The following KAZN variants were observed in gnomAD, a reference collection of about 807,000 sequenced individuals.
KAZN encodes kazrin, periplakin interacting protein.
KAZN carries 40 observed loss-of-function variants against 87.4 expected under a neutral mutation model. The ratio of observed to expected loss-of-function variants is 0.46; its 90% CI spans 0.36 to 0.60. The LOEUF is 0.60. Ranked by LOEUF, KAZN falls within the 20% of genes least tolerant of loss-of-function variation. KAZN has a pLI of 0.00. For synonymous variants in KAZN, 466 were observed against 458.3 expected (o/e 1.02, Z -0.22); for missense variants, 898 against 1,073.9 (o/e 0.84, Z 2.29).
At chr1:14,766,885 C>T (rs529745361) in intron 1 of KAZN, among the ~76,000 whole-genome samples, 37 of 152,042 alleles carry the variant, frequency 2.4e-4, no homozygotes, top group African/African-American at 8.4e-4. Flanking sequence ...AGTAAACATT[C>T]AGTGCCCTTT....
At chr1:14,648,180 A>G (rs566424327) in intron 1 of KAZN, among the ~76,000 whole-genome samples, 3 of 152,346 alleles carry the variant, frequency 2.0e-5, no homozygotes, top group African/African-American at 7.2e-5. Context: ...TTATGTAAAG[A>G]TCGCAACCAA....
At chr1:14,271,356 C>T (rs1651911840) in intron 2 of KAZN, among the ~76,000 whole-genome samples, 1 of 152,200 alleles carries the variant, frequency 6.6e-6, no homozygotes, top group African/African-American at 2.4e-5. Context: ...ATATCAGTCG[C>T]TTATACACTG....
intron 1 of KAZN, among the ~76,000 whole-genome samples, chr1:13,984,529 G>A (rs1443612127): frequency 6.6e-6 from 1 of 152,202 alleles, no homozygotes; most frequent in African/African-American, 2.4e-5. Context: ...AGAAAACAAT[G>A]AGAGAGATGG....
At chr1:14,241,292 G>A (rs771247514) in intron 2 of KAZN, among the ~76,000 whole-genome samples, 17 of 152,178 alleles carry the variant, frequency 1.1e-4, no homozygotes, top group Non-Finnish European at 2.1e-4. Context: ...CCCAGGCTCT[G>A]GCCTCCACTG....
chr1:14,201,340 G>T (rs927236821), intron 2 of KAZN, among the ~76,000 whole-genome samples: 1 of 152,082 alleles, frequency 6.6e-6, no homozygotes, highest in African/African-American at 2.4e-5. Flanking sequence ...GATATTAGTA[G>T]TTGCAAATCT....
At chr1:14,506,064 C>G (rs577388312) in intron 2 of KAZN, among the ~76,000 whole-genome samples, 1 of 152,160 alleles carries the variant, frequency 6.6e-6, no homozygotes, top group East Asian at 1.9e-4. Flanking sequence ...TTAAAAATGG[C>G]TAAGATAGCA....
chr1:14,600,779 C>G (rs1162349866), intron 1 of KAZN, among the ~76,000 whole-genome samples: 1 of 151,758 alleles, frequency 6.6e-6, no homozygotes, highest in Non-Finnish European at 1.5e-5. Flanking sequence ...TGCTAAGAAT[C>G]AAAAGCTGTA....
chr1:14,057,518 CAT>C (rs2101497806), intron 1 of KAZN, among the ~76,000 whole-genome samples: 2 of 152,326 alleles, frequency 1.3e-5, no homozygotes, highest in South Asian at 4.1e-4. Flanking sequence ...GGCCTCACTT[CAT>C]ATGTGGGCCA....
intron 2 of KAZN, among the ~76,000 whole-genome samples, chr1:14,556,967 G>T (rs1226134706): frequency 6.6e-6 from 1 of 152,188 alleles, no homozygotes; most frequent in Non-Finnish European, 1.5e-5. Context: ...GAAGCTGAAA[G>T]AATTCATTCT....
At chr1:14,917,877 T>G (rs866328124) in intron 1 of KAZN, among the ~76,000 whole-genome samples, 4 of 132,858 alleles carry the variant, frequency 3.0e-5, no homozygotes, top group African/African-American at 1.0e-4. Context: ...TTCCTTTCTT[T>G]CTTTCTTTCT....
At chr1:14,021,350 A>G (rs1371078176) in intron 1 of KAZN, among the ~76,000 whole-genome samples, 1 of 152,228 alleles carries the variant, frequency 6.6e-6, no homozygotes, top group Non-Finnish European at 1.5e-5. Context: ...GTGGTCAGAA[A>G]TGCAGAATCT....
chr1:14,205,651 G>A lies in KAZN; in HGVS notation c.249+25059G>A, dbSNP rs1049393047. Among the ~76,000 whole-genome samples the A allele has an allele frequency of 4.6e-5, 7 of 151,918 alleles. No individual in the cohort carries two copies. The South Asian group carries it at 6.2e-4, about 14-fold the overall frequency. On this transcript the variant is annotated intron_variant, in intron 2 of 16. Coordinates refer to the KAZN transcript ENST00000636203. ...TGTAATCTGAGCACTTTGGGAGGCC[G>A]AGGTGGGCAGATCACGAGGTCAGGA...
At chr1:14,903,025 C>G (rs139410861) in intron 1 of KAZN, among the ~76,000 whole-genome samples, 1 of 151,958 alleles carries the variant, frequency 6.6e-6, no homozygotes, top group Non-Finnish European at 1.5e-5. Context: ...CCTGCCACCA[C>G]GCCCAGCTAA....
chr1:14,028,215 A>G (rs573239991), intron 1 of KAZN, among the ~76,000 whole-genome samples: 8 of 151,016 alleles, frequency 5.3e-5, no homozygotes, highest in Non-Finnish European at 1.0e-4. Flanking sequence ...GAAACTACGT[A>G]GGTGAGTGTT....
intron 1 of KAZN, among the ~76,000 whole-genome samples, chr1:14,783,155 G>A (rs1379317160): frequency 1.3e-5 from 2 of 152,184 alleles, no homozygotes; most frequent in African/African-American, 2.4e-5. Context: ...AATGTGATGA[G>A]GCTGATATTT....
chr1:14,764,164 G>A (rs555079880), intron 1 of KAZN, among the ~76,000 whole-genome samples: 17 of 152,206 alleles, frequency 1.1e-4, no homozygotes, highest in East Asian at 9.7e-4. Context: ...GGGAAAGACC[G>A]GCAGGAGGGT....
intron 1 of KAZN, among the ~76,000 whole-genome samples, chr1:14,883,518 A>T: frequency 6.6e-6 from 1 of 151,528 alleles, no homozygotes; most frequent in African/African-American, 2.4e-5. Context: ...CAAAGGTGAG[A>T]CCCTGGGTCA....
At chr1:14,298,529 G>A (rs1052290461) in intron 2 of KAZN, among the ~76,000 whole-genome samples, 3 of 152,142 alleles carry the variant, frequency 2.0e-5, no homozygotes, top group East Asian at 1.9e-4. Flanking sequence ...GCAAGTGTAC[G>A]ATTTTAATGT....
chr1:14,395,281 T>C (rs1662801484), intron 2 of KAZN, among the ~76,000 whole-genome samples: 1 of 152,218 alleles, frequency 6.6e-6, no homozygotes, highest in Non-Finnish European at 1.5e-5. Flanking sequence ...TGTGTTGATG[T>C]TGTCACTGTT....
Sources: gnomAD v4.1 joint callset for allele counts (sites outside exome capture counted in the v4.1 genomes callset) on GRCh38, gnomAD v4.1.1 for gene constraint, MANE v1.5 for transcripts, NCBI Gene and HGNC (gene_info 2026-07-23, HGNC 2026-07-21) for gene names.